The following UTRN variants were observed in gnomAD, a reference collection of about 807,000 sequenced individuals.
UTRN encodes the protein dystrophin-related protein 1.
A neutral mutation model predicts 463.9 loss-of-function variants in UTRN; 283 were observed. The observed-to-expected ratio is 0.61, with a 90% CI of 0.55 to 0.67. The LOEUF is 0.67. Ranked by LOEUF, UTRN falls within the 30% of genes least tolerant of loss-of-function variation. The probability of loss-of-function intolerance (pLI) is 0.00; values close to 1 mark genes in which losing one functional copy is unlikely to be tolerated. For missense variants in UTRN, 3,922 were observed against 4,084.3 expected (o/e 0.96, Z 1.08); for synonymous variants, 1,442 against 1,431.5 (o/e 1.01, Z -0.17).
intron 60 of UTRN, among the ~76,000 whole-genome samples, chr6:144,779,407 C>T (rs934791049): frequency 2.6e-5 from 4 of 152,108 alleles, no homozygotes; most frequent in African/African-American, 9.7e-5. Context: ...AGTCAATTAA[C>T]ACATATTTGA....
intron 51 of UTRN, among the ~76,000 whole-genome samples, chr6:144,649,870 A>C (rs1032578465): frequency 6.6e-6 from 1 of 152,198 alleles, no homozygotes; most frequent in East Asian, 1.9e-4. Flanking sequence ...TAGGTTTGTC[A>C]TGCAGCATAC....
At chr6:144,830,211 T>G (rs1399692804) in intron 69 of UTRN, among the ~76,000 whole-genome samples, 2 of 152,182 alleles carry the variant, frequency 1.3e-5, no homozygotes, top group African/African-American at 4.8e-5. Context: ...AAATACTATT[T>G]TCAGATTTAG....
intron 21 of UTRN, among the ~76,000 whole-genome samples, chr6:144,460,653 C>T (rs114504108): frequency 0.013 from 2,048 of 152,312 alleles, 40 homozygotes; most frequent in African/African-American, 0.047. Flanking sequence ...AACTCACTTC[C>T]TTTCCACGCA....
At chr6:144,432,148 A>G (rs1262478600) in intron 9 of UTRN, among the ~76,000 whole-genome samples, 1 of 152,024 alleles carries the variant, frequency 6.6e-6, no homozygotes, top group African/African-American at 2.4e-5. Context: ...ATTTTCTCCT[A>G]TAGTTTACAA....
At chr6:144,717,249 A>G (rs2128706714) in intron 53 of UTRN, among the ~76,000 whole-genome samples, 1 of 152,336 alleles carries the variant, frequency 6.6e-6, no homozygotes, top group East Asian at 1.9e-4. Context: ...CAGTTTTGGA[A>G]TATCAGACAC....
rs958510625 is a variant in UTRN, at chr6:144,675,231, C to T, written c.7480-3175C>T. On this transcript the variant is annotated intron_variant, in intron 51 of 74. Transcript: ENST00000367545. ...CTGCAGTGATGGTTGTGCTCTTCTG[C>T]GTCTAGCCACCCAGCAGGGCTACCG... Among the ~76,000 whole-genome samples the T allele has an allele frequency of 3.9e-5, 6 of 152,114 alleles. No individual in the cohort carries two copies. The East Asian group carries it at 5.8e-4, about 15-fold the overall frequency.
intron 8 of UTRN, among the ~76,000 whole-genome samples, chr6:144,429,249 T>C (rs1043109337): frequency 6.6e-6 from 1 of 152,214 alleles, no homozygotes; most frequent in African/African-American, 2.4e-5. Flanking sequence ...ACTTTAGTTA[T>C]AAATGTTGCA....
chr6:144,811,299 G>C (rs1778588024), intron 65 of UTRN, among the ~76,000 whole-genome samples: 1 of 152,146 alleles, frequency 6.6e-6, no homozygotes, highest in Admixed American at 6.6e-5. Flanking sequence ...TCTTTGGAAA[G>C]CTCTACCTTG....
At position 144,521,953 on chromosome 6, in the gene UTRN, A is replaced by AT. The variant is rs200015334; in HGVS notation, c.5542-26dup. On this transcript the variant is annotated intron_variant, in intron 39 of 74. Coordinates refer to ENST00000367545, the MANE Select transcript of UTRN (RefSeq NM_007124.3). ...TTTTAAGAGATATATATATATATAT[A>AT]TATTTTTTTTTTTGCTGTTTTTGTA... The AT allele has an allele frequency of 0.12, 120,211 of 1,008,470 alleles. 1,966 individuals are homozygous for AT. Among genetic ancestry groups the AT allele is most frequent in the South Asian group, 0.15 (5,274 of 34,664 alleles). 62.5% of individuals were successfully genotyped at this position (1,008,470 alleles called of 1,614,324 possible).
chr6:144,812,675 A>C (rs1363141758), intron 65 of UTRN, among the ~76,000 whole-genome samples: 2 of 152,182 alleles, frequency 1.3e-5, no homozygotes, highest in African/African-American at 4.8e-5. Flanking sequence ...AAATTTCCTA[A>C]CTGTATTTTG....
At chr6:144,833,782 GT>G (rs1388163269) in intron 69 of UTRN, among the ~76,000 whole-genome samples, 1 of 152,180 alleles carries the variant, frequency 6.6e-6, no homozygotes, top group Non-Finnish European at 1.5e-5. Context: ...TCCTGGTGGT[GT>G]TGAGACATTA....
chr6:144,752,032 C>A, intron 56 of UTRN, 80 bp downstream of exon 56: 1 of 1,321,056 alleles, frequency 7.6e-7, no homozygotes, highest in Non-Finnish European at 1.0e-6. Context: ...TTACCACTCA[C>A]CGTTTTCTCT....
At chr6:144,598,652 A>G (rs1803906784) in intron 51 of UTRN, among the ~76,000 whole-genome samples, 2 of 152,206 alleles carry the variant, frequency 1.3e-5, no homozygotes, top group Admixed American at 1.3e-4. Flanking sequence ...GGGGTAAAAT[A>G]CTTACATTTC....
Position 144,482,212 on chromosome 6 carries a change from G to T in UTRN, c.3511G>T (p.Ala1171Ser). The change falls in exon 27 of 75, where the codon GCA (alanine) becomes TCA (serine). Residue 1171 changes from alanine (A) to serine (S), a missense_variant. This residue lies in a region of UTRN where 2,349 missense variants were observed against 2,303.8 expected (regional missense o/e 1.02). Coordinates refer to ENST00000367545, the MANE Select transcript of UTRN (RefSeq NM_007124.3). ...CATCCATCCTTTCTTGGAACAGAGG[G>T]CAAAAGAGGATGTGTTGCAGAAGGA... ...LESAVEEMKRAKEDVLQKEVR... is the reference protein window; with the variant it reads ...LESAVEEMKRSKEDVLQKEVR... 6.7e-7 allele frequency: 1 copy of T among 1,482,238 alleles called. No homozygotes were observed. 91.8% of individuals were successfully genotyped at this position (1,482,238 alleles called of 1,614,324 possible).
intron 41 of UTRN, among the ~76,000 whole-genome samples, chr6:144,523,448 TACAG>T (rs1290092337): frequency 6.6e-6 from 1 of 152,194 alleles, no homozygotes; most frequent in African/African-American, 2.4e-5. Flanking sequence ...TAGCTGGGAT[TACAG>T]GCGCACACCA....
intron 50 of UTRN, among the ~76,000 whole-genome samples, chr6:144,561,285 A>T (rs1799886617): frequency 7.2e-6 from 1 of 139,306 alleles, no homozygotes. Context: ...ACGTATACAC[A>T]CCTGTGTAAC....
At chr6:144,612,054 C>T (rs1805583028) in intron 51 of UTRN, among the ~76,000 whole-genome samples, 1 of 152,006 alleles carries the variant, frequency 6.6e-6, no homozygotes, top group Non-Finnish European at 1.5e-5. Flanking sequence ...AGATAGAAAA[C>T]CCACAAATAA....
chr6:144,462,840 A>G lies in UTRN; in HGVS notation c.3040A>G (p.Ile1014Val), dbSNP rs751606388. 12 of 1,606,740 alleles carry G rather than the reference A, an allele frequency of 7.5e-6. No individual in the cohort carries two copies. Among genetic ancestry groups the G allele is most frequent in the Admixed American group, 1.7e-5 (1 of 58,024 alleles). Residue 1014 changes from isoleucine to valine, a missense_variant, in exon 23 of 75, where the codon ATT (isoleucine) becomes GTT (valine). Around this residue, in one of 3 missense-constraint regions of UTRN, gnomAD observed 2,349 missense variants for 2,303.8 expected, o/e 1.02. Transcript: ENST00000367545. ...VSKDLHLLEE[I>V]ALTLRAFEAD... is the part of the protein sequence containing the mutation. ...CAAAGATCTACATTTGCTTGAGGAA[A>G]TTGCTCTCACACTCAGAGCTTTTGA...
At position 144,462,873 on chromosome 6, in the gene UTRN, C is replaced by A; in HGVS notation, c.3066+7C>A. On this transcript the variant is annotated splice_region_variant and intron_variant, in intron 23 of 74. Transcript: ENST00000367545. ...CACACTCAGAGCTTTTGAGGTAAAT[C>A]CAGAGGCCACTGGGAGTTTAAGTTT... The A allele has an allele frequency of 2.5e-6, 4 of 1,595,308 alleles. No homozygotes were observed. The highest frequency in any genetic ancestry group is 1.2e-5 in the South Asian group (1 of 85,958).
Sources: allele counts gnomAD v4.1 joint callset (sites outside exome capture counted in the v4.1 genomes callset), GRCh38; gene constraint gnomAD v4.1.1; regional missense constraint gnomAD v4.1.1; transcripts MANE v1.5; gene names NCBI Gene and HGNC (gene_info 2026-07-23, HGNC 2026-07-21).